CFAP44: variants seen among roughly 807,000 people sequenced by gnomAD.
CFAP44 encodes cilia and flagella associated protein 44.
CFAP44 carries 134 observed loss-of-function variants against 216.2 expected under a neutral mutation model. The ratio of observed to expected loss-of-function variants is 0.62; its 90% CI spans 0.54 to 0.72. CFAP44 has a LOEUF of 0.72. CFAP44 is among the 30% of genes least tolerant of loss of function. CFAP44 has a pLI of 0.00. For synonymous variants in CFAP44, 700 were observed against 727.6 expected (o/e 0.96, Z 0.61); for missense variants, 2,035 against 2,182.1 (o/e 0.93, Z 1.34).
intron 22 of CFAP44, among the ~76,000 whole-genome samples, chr3:113,358,170 G>A (rs1576567688): frequency 6.6e-6 from 1 of 152,126 alleles, no homozygotes; most frequent in South Asian, 2.1e-4. Context: ...ACTTTGAAGA[G>A]TATTTCCTGA....
intron 28 of CFAP44, among the ~76,000 whole-genome samples, chr3:113,314,348 C>T (rs1333682254): frequency 6.6e-6 from 1 of 152,050 alleles, no homozygotes; most frequent in East Asian, 1.9e-4. Context: ...CATTAGAAAC[C>T]ATGGAAGCCG....
chr3:113,426,169 A>G lies in CFAP44; in HGVS notation c.362T>C (p.Phe121Ser), dbSNP rs2107403510. The change falls in exon 4 of 35, where the codon TTT becomes TCT. Residue 121 changes from phenylalanine to serine, a missense_variant. Phe to Ser is a radical substitution (Grantham distance 155). Around this residue, in one of 3 missense-constraint regions of CFAP44, gnomAD observed 149 missense variants for 141.8 expected, o/e 1.05. Transcript: ENST00000393845. Reference sequence around the variant, plus strand: ...TGGTATGTTTGAATCCAGAGTCACAAAAGGCATCGAAGCAAGCTCCATATA... The same window carrying G: ...TGGTATGTTTGAATCCAGAGTCACAGAAGGCATCGAAGCAAGCTCCATATA... ...YDYMELASMP[F>S]VTLDSNIPLD... 6.2e-7 allele frequency: 1 copy of G among 1,614,160 alleles called. No individual in the cohort carries two copies. Among genetic ancestry groups the G allele is most frequent in the African/African-American group, 1.3e-5 (1 of 75,060 alleles).
intron 28 of CFAP44, among the ~76,000 whole-genome samples, chr3:113,320,694 C>T (rs570453729): frequency 1.0e-3 from 157 of 151,926 alleles, no homozygotes; most frequent in Non-Finnish European, 2.0e-3. Flanking sequence ...AAAAGCCAGT[C>T]CAAGCCCCAA....
At chr3:113,414,660 G>T (rs975878494) in intron 6 of CFAP44, among the ~76,000 whole-genome samples, 1 of 152,192 alleles carries the variant, frequency 6.6e-6, no homozygotes, top group Middle Eastern at 3.4e-3. Flanking sequence ...GATGGATTAC[G>T]TTTATTGATC....
chr3:113,406,393 G>A (rs1232518021), intron 8 of CFAP44, among the ~76,000 whole-genome samples: 9 of 152,162 alleles, frequency 5.9e-5, no homozygotes, highest in African/African-American at 1.4e-4. Flanking sequence ...GGGAGGCCGA[G>A]GTGGGCGGAT....
chr3:113,425,617 T>C (rs957971124), intron 4 of CFAP44, among the ~76,000 whole-genome samples: 9 of 152,294 alleles, frequency 5.9e-5, no homozygotes, highest in African/African-American at 9.6e-5. Context: ...AGAAGGGAAA[T>C]TGATTATGTA....
chr3:113,368,014 A>G (rs927801984), intron 18 of CFAP44, among the ~76,000 whole-genome samples: 3 of 152,236 alleles, frequency 2.0e-5, no homozygotes, highest in Non-Finnish European at 4.4e-5. Flanking sequence ...AATTAATGAA[A>G]TAAAGCAAGA....
chr3:113,406,935 C>A lies in CFAP44; in HGVS notation c.997G>T (p.Asp333Tyr). Residue 333 changes from aspartate to tyrosine, a missense_variant, in exon 8 of 35, where the codon GAT becomes TAT. Asp to Tyr is a radical substitution (Grantham distance 160, BLOSUM62 -3). This residue lies in a region of CFAP44 where 1,883 missense variants were observed against 2,023.7 expected (regional missense o/e 0.93). Transcript: ENST00000393845. Reference protein sequence around the residue: ...TDIEGYMELPDGKVLSGSEWG... With the variant: ...TDIEGYMELPYGKVLSGSEWG... The stretch of plus-strand genomic sequence containing the variant: ...ATAGTAGCTGTACTCACCTTCCCAT[C>A]TGGGAGCTCCATGTAGCCTTCTATA... 6.8e-6 allele frequency: 11 copies of A among 1,612,974 alleles called. No individual in the cohort carries two copies. The highest frequency in any genetic ancestry group is 8.5e-6 in the Non-Finnish European group (10 of 1,179,018).
In CFAP44 at chr3:113,379,306, C is replaced by T. The variant is rs752384202; in HGVS notation, c.2298G>A (p.Leu766=). The change falls in exon 17 of 35, where the codon TTG becomes TTA. Residue 766 remains leucine, a splice_region_variant and synonymous_variant. Transcript: ENST00000393845. ...YSEPGKFWVS[L]GGYDSGFLYH... is the part of the protein sequence containing the mutation. ...TAAAAATTATTACATTGTTACTTAC[C>T]AAAGAAACCCAGAACTTCCCTGGCT... 2 of 1,544,404 alleles carry T rather than the reference C, an allele frequency of 1.3e-6. No homozygotes were observed. Among genetic ancestry groups the T allele is most frequent in the Non-Finnish European group, 1.8e-6 (2 of 1,141,850 alleles).
chr3:113,389,370 A>G (rs1167772007), intron 15 of CFAP44, among the ~76,000 whole-genome samples: 2 of 152,136 alleles, frequency 1.3e-5, no homozygotes, highest in Non-Finnish European at 2.9e-5. Context: ...TATACGGTGA[A>G]AGCAGTACTA....
At position 113,287,902 on chromosome 3, in the gene CFAP44, G is replaced by A. The variant is rs1041358543; in HGVS notation, c.*3655C>T. ...TTCCAAAGATACACCAACATTGCCA[G>A]AGTAGTTGACTCACTAGTTTAAAAT... On this transcript the variant is annotated 3_prime_UTR_variant, in exon 35 of 35. Coordinates refer to ENST00000393845, the MANE Select transcript of CFAP44 (RefSeq NM_001164496.2). The A allele has an allele frequency of 6.6e-6, 1 of 152,224 alleles. No individual in the cohort carries two copies. The highest frequency in any genetic ancestry group is 1.5e-5 in the Non-Finnish European group (1 of 68,042). 9.4% of individuals were successfully genotyped at this position (152,224 alleles called of 1,614,324 possible). A position where few individuals can be genotyped will look rare whatever the true frequency, so the allele number is the denominator to read the frequency against.
At chr3:113,422,900 G>T (rs903916312) in intron 4 of CFAP44, among the ~76,000 whole-genome samples, 1 of 151,938 alleles carries the variant, frequency 6.6e-6, no homozygotes, top group African/African-American at 2.4e-5. Context: ...CTGATAAAAG[G>T]CTCTTTCAAA....
intron 18 of CFAP44, among the ~76,000 whole-genome samples, chr3:113,370,370 A>T (rs1559926566): frequency 6.6e-6 from 1 of 152,234 alleles, no homozygotes; most frequent in Non-Finnish European, 1.5e-5. Flanking sequence ...CACATCAAAA[A>T]GCTTATCCAC....
In CFAP44 at chr3:113,333,600, C is replaced by T. The variant is rs2107813234; in HGVS notation, c.3438-17G>A. ...CTCTTGTATCTATTAGAAAAACAGACAACCCCCCCACACACAAATATGACA... is the reference window on the plus strand; with the variant it reads ...CTCTTGTATCTATTAGAAAAACAGATAACCCCCCCACACACAAATATGACA... On this transcript the variant is annotated splice_polypyrimidine_tract_variant and intron_variant, in intron 24 of 34. Coordinates refer to ENST00000393845, the MANE Select transcript of CFAP44 (RefSeq NM_001164496.2). The T allele has an allele frequency of 6.7e-7, 1 of 1,502,954 alleles. No homozygotes were observed. The highest frequency in any genetic ancestry group is 1.3e-5 in the South Asian group (1 of 77,378). 93.1% of individuals were successfully genotyped at this position (1,502,954 alleles called of 1,614,324 possible). A position where few individuals can be genotyped will look rare whatever the true frequency, so the allele number is the denominator to read the frequency against.
chr3:113,373,557 C>A lies in CFAP44; in HGVS notation c.2299-1G>T. ...ATAGAAAACCAGAATCATAGCCACC[C>A]TAGAAAAGAGATAAGTAACATAGAA... is the stretch of plus-strand genomic sequence containing the variant. On this transcript the variant is annotated splice_acceptor_variant, in intron 17 of 34. Coordinates refer to ENST00000393845, the MANE Select transcript of CFAP44 (RefSeq NM_001164496.2). LOFTEE classifies it high-confidence loss of function. 1 of 1,575,348 alleles carries A rather than the reference C, an allele frequency of 6.3e-7. No homozygotes were observed.
At chr3:113,367,703 G>C (rs925722906) in intron 18 of CFAP44, among the ~76,000 whole-genome samples, 4 of 152,164 alleles carry the variant, frequency 2.6e-5, no homozygotes, top group Non-Finnish European at 5.9e-5. Flanking sequence ...CTCCTCACCA[G>C]CAATGGAACA....
At chr3:113,354,319 A>C (rs1471413088) in intron 22 of CFAP44, among the ~76,000 whole-genome samples, 1 of 152,176 alleles carries the variant, frequency 6.6e-6, no homozygotes, top group Non-Finnish European at 1.5e-5. Context: ...GAACTGGATC[A>C]CCCATGCAGG....
At chr3:113,407,751 G>C (rs1396860760) in intron 7 of CFAP44, among the ~76,000 whole-genome samples, 2 of 152,094 alleles carry the variant, frequency 1.3e-5, no homozygotes, top group Non-Finnish European at 2.9e-5. Context: ...TGTAGAAAAA[G>C]AAGACCTATC....
At chr3:113,348,108 G>C (rs1396060618) in intron 22 of CFAP44, among the ~76,000 whole-genome samples, 2 of 152,168 alleles carry the variant, frequency 1.3e-5, no homozygotes, top group East Asian at 3.9e-4. Flanking sequence ...GACCATTGCA[G>C]GTTCTTGGGC....
Sources: gnomAD v4.1 joint callset for allele counts (sites outside exome capture counted in the v4.1 genomes callset) on GRCh38, gnomAD v4.1.1 for gene constraint, gnomAD v4.1.1 regional missense constraint, MANE v1.5 for transcripts, NCBI Gene and HGNC (gene_info 2026-07-23, HGNC 2026-07-21) for gene names.